DENND5B: variants seen among roughly 807,000 people sequenced by gnomAD.
DENND5B encodes the protein DENN domain-containing protein 5B.
Under a neutral mutation model 140.6 loss-of-function variants are expected in DENND5B, and 34 were observed. The ratio of observed to expected loss-of-function variants is 0.24; its 90% CI spans 0.18 to 0.32. The LOEUF is 0.32. Among genes scored for constraint, DENND5B ranks in the 10% least tolerant of loss-of-function variants. DENND5B has a pLI of 1.00. For missense variants in DENND5B, 1,142 were observed against 1,560.2 expected, an observed-to-expected ratio of 0.73 and a Z score of 4.52; for synonymous variants, 551 against 562.1, an observed-to-expected ratio of 0.98 and a Z score of 0.28.
intron 1 of DENND5B, among the ~76,000 whole-genome samples, chr12:31,577,214 T>C (rs1467718331): frequency 6.6e-6 from 1 of 152,118 alleles, no homozygotes; most frequent in Non-Finnish European, 1.5e-5. Flanking sequence ...TATAGGATAA[T>C]TTCCTGTTTA....
chr12:31,539,728 T>C (rs1433922622), intron 1 of DENND5B, among the ~76,000 whole-genome samples: 1 of 151,766 alleles, frequency 6.6e-6, no homozygotes, highest in African/African-American at 2.4e-5. Context: ...AAGAAACATA[T>C]CTTAATATAA....
chr12:31,445,006 T>G (rs903044703), intron 6 of DENND5B, among the ~76,000 whole-genome samples: 2 of 152,168 alleles, frequency 1.3e-5, no homozygotes, highest in Non-Finnish European at 2.9e-5. Flanking sequence ...TTAAGTAAAG[T>G]GGGAAAGGCA....
chr12:31,571,347 CTTAT>C (rs774945637), intron 1 of DENND5B, among the ~76,000 whole-genome samples: 9 of 152,234 alleles, frequency 5.9e-5, no homozygotes, highest in Non-Finnish European at 8.8e-5. Context: ...GTCTTCCCAT[CTTAT>C]TTGTCACTAG....
chr12:31,548,240 T>G (rs1948926029), intron 1 of DENND5B, among the ~76,000 whole-genome samples: 1 of 151,698 alleles, frequency 6.6e-6, no homozygotes, highest in African/African-American at 2.4e-5. Context: ...AAAAAAGTTT[T>G]AAAAATTAGC....
intron 2 of DENND5B, among the ~76,000 whole-genome samples, chr12:31,494,687 CTGAT>C (rs1946690932): frequency 6.6e-6 from 1 of 152,174 alleles, no homozygotes. Context: ...ACTTCAGCCT[CTGAT>C]TGGTTGTATG....
chr12:31,433,277 G>T, intron 7 of DENND5B, 29 bp from the exon 8 acceptor site: 1 of 1,585,460 alleles, frequency 6.3e-7, no homozygotes, highest in Non-Finnish European at 8.6e-7. Flanking sequence ...TTAAAAATGT[G>T]TTCCTTATCT....
intron 1 of DENND5B, among the ~76,000 whole-genome samples, chr12:31,585,692 G>A (rs1950373193): frequency 6.6e-6 from 1 of 152,140 alleles, no homozygotes; most frequent in Non-Finnish European, 1.5e-5. Flanking sequence ...GAACTAACGT[G>A]ACATGATATT....
intron 1 of DENND5B, among the ~76,000 whole-genome samples, chr12:31,545,663 G>C (rs1232557007): frequency 6.6e-6 from 1 of 151,996 alleles, no homozygotes; most frequent in African/African-American, 2.4e-5. Context: ...CAGGATAAAA[G>C]GATATATGGG....
In DENND5B at chr12:31,402,480, G is replaced by C; in HGVS notation, c.2949+18C>G. 6.2e-7 allele frequency: 1 copy of C among 1,604,306 alleles called. No homozygotes were observed. On this transcript the variant is annotated intron_variant, in intron 15 of 20. Coordinates refer to ENST00000389082, the MANE Select transcript of DENND5B (RefSeq NM_144973.4). ...ACACGTGATACATTCTTCTAGGAAA[G>C]GTATTAGCTGAACCTACCTCAAAGG...
intron 1 of DENND5B, among the ~76,000 whole-genome samples, chr12:31,541,419 GACAT>G (rs1948677293): frequency 6.6e-6 from 1 of 152,132 alleles, no homozygotes; most frequent in Admixed American, 6.6e-5. Context: ...TTTCTCAAAA[GACAT>G]ACAAATGGCA....
intron 1 of DENND5B, among the ~76,000 whole-genome samples, chr12:31,506,091 C>A (rs1276512482): frequency 6.6e-6 from 1 of 152,118 alleles, no homozygotes; most frequent in East Asian, 1.9e-4. Flanking sequence ...GCCTCAGCCT[C>A]CCAAAGTGCT....
intron 3 of DENND5B, among the ~76,000 whole-genome samples, chr12:31,462,742 T>G (rs2138282232): frequency 6.6e-6 from 1 of 152,266 alleles, no homozygotes; most frequent in East Asian, 1.9e-4. Context: ...GTGGATTACC[T>G]GAGGTCAGAA....
intron 14 of DENND5B, among the ~76,000 whole-genome samples, chr12:31,406,751 T>G (rs1205504436): frequency 1.3e-5 from 2 of 152,188 alleles, no homozygotes; most frequent in Non-Finnish European, 2.9e-5. Context: ...GTTACTCAGA[T>G]GAAGAGAAAT....
chr12:31,576,387 A>T (rs1259307050), intron 1 of DENND5B, among the ~76,000 whole-genome samples: 1 of 148,908 alleles, frequency 6.7e-6, no homozygotes, highest in Non-Finnish European at 1.5e-5. Flanking sequence ...CGGGAGACAG[A>T]GTGTGTTGCA....
rs1439605186 is a variant in DENND5B, at chr12:31,423,618, CTT to C, written c.2447_2448del (p.Gln816ArgfsTer18). ...LIQFQDREEK[Q>X]EHLAESPVAL... Reference sequence around the variant, plus strand: ...ATACCTGGTGATTCTGCAAGGTGCTCTTGTTTCTCTTCTCTGTCCTGAAATTG... The same window carrying C: ...ATACCTGGTGATTCTGCAAGGTGCTCGTTTCTCTTCTCTGTCCTGAAATTG... On this transcript the variant is annotated frameshift_variant, in exon 11 of 21. Coordinates refer to ENST00000389082, the MANE Select transcript of DENND5B (RefSeq NM_144973.4). LOFTEE classifies it high-confidence loss of function. The C allele has an allele frequency of 1.9e-6, 3 of 1,613,758 alleles. No homozygotes were observed. Among genetic ancestry groups the C allele is most frequent in the Non-Finnish European group, 2.5e-6 (3 of 1,179,854 alleles).
intron 1 of DENND5B, among the ~76,000 whole-genome samples, chr12:31,523,637 A>C (rs1045272834): frequency 6.6e-6 from 1 of 152,188 alleles, no homozygotes; most frequent in African/African-American, 2.4e-5. Context: ...AACACTGTGA[A>C]TGTATTAAAT....
intron 7 of DENND5B, among the ~76,000 whole-genome samples, chr12:31,441,789 A>C (rs548311022): frequency 6.6e-6 from 1 of 152,296 alleles, no homozygotes; most frequent in Non-Finnish European, 1.5e-5. Flanking sequence ...CCTGGGGCTC[A>C]AGTGATTCTC....
At chr12:31,582,654 C>T (rs1033977958) in intron 1 of DENND5B, among the ~76,000 whole-genome samples, 3 of 152,120 alleles carry the variant, frequency 2.0e-5, no homozygotes, top group Non-Finnish European at 4.4e-5. Flanking sequence ...TGAGGAAATG[C>T]ATGCAAGAGA....
chr12:31,475,740 C>T (rs998413214), intron 3 of DENND5B, among the ~76,000 whole-genome samples: 1 of 152,016 alleles, frequency 6.6e-6, no homozygotes, highest in Non-Finnish European at 1.5e-5. Flanking sequence ...CAGAGTGACA[C>T]CCTGTCTCAA....
Sources: allele counts gnomAD v4.1 joint callset (sites outside exome capture counted in the v4.1 genomes callset), GRCh38; gene constraint gnomAD v4.1.1; transcripts MANE v1.5; gene names NCBI Gene and HGNC (gene_info 2026-07-23, HGNC 2026-07-21).